Variants in MBTD1 observed in about 807,000 individuals in gnomAD.
The protein encoded by MBTD1 is mbt domain containing 1.
In MBTD1, 24 loss-of-function variants were observed where a neutral mutation model predicts 87.8. The ratio of observed to expected loss-of-function variants is 0.27; its 90% CI spans 0.20 to 0.38. MBTD1 has a LOEUF of 0.38. MBTD1 is among the 10% of genes least tolerant of loss of function. The pLI, the probability that MBTD1 is intolerant of heterozygous loss-of-function variation, is 1.00. For synonymous variants in MBTD1, 237 were observed against 248.6 expected (o/e 0.95, Z 0.44); for missense variants, 436 against 760.2 (o/e 0.57, Z 5.02).
chr17:51,218,044 C>T, intron 5 of MBTD1, among the ~76,000 whole-genome samples: 1 of 152,176 alleles, frequency 6.6e-6, no homozygotes, highest in East Asian at 1.9e-4. Context: ...TATTTCCATT[C>T]AGTTCTTGCC....
chr17:51,202,976 A>G, intron 9 of MBTD1, 41 bp from the exon 10 acceptor site: 1 of 1,489,188 alleles, frequency 6.7e-7, no homozygotes, highest in South Asian at 1.1e-5. Flanking sequence ...ATTCATGACA[A>G]AGGTCTACAA....
At chr17:51,225,537 T>G (rs2053164218) in intron 2 of MBTD1, among the ~76,000 whole-genome samples, 1 of 151,324 alleles carries the variant, frequency 6.6e-6, no homozygotes, top group Non-Finnish European at 1.5e-5. Flanking sequence ...TTTTTTTTTT[T>G]GTAGAGATGG....
At chr17:51,214,720 A>G (rs2052468090) in intron 6 of MBTD1, among the ~76,000 whole-genome samples, 1 of 152,242 alleles carries the variant, frequency 6.6e-6, no homozygotes, top group South Asian at 2.1e-4. Flanking sequence ...TAGGAGCAGG[A>G]AAGGCTCCCG....
intron 2 of MBTD1, among the ~76,000 whole-genome samples, chr17:51,235,557 A>C (rs2143909377): frequency 6.6e-6 from 1 of 152,364 alleles, no homozygotes; most frequent in East Asian, 1.9e-4. Context: ...TTTGAAAATC[A>C]ATAAATTCAC....
At chr17:51,218,365 CTA>C (rs1213857686) in intron 5 of MBTD1, among the ~76,000 whole-genome samples, 3 of 151,880 alleles carry the variant, frequency 2.0e-5, no homozygotes, top group African/African-American at 4.8e-5. Flanking sequence ...CCTATCTCTA[CTA>C]AAAATACAAA....
At position 51,257,863 on chromosome 17, in the gene MBTD1, A is replaced by C. The variant is rs75854299; in HGVS notation, c.-49+1280T>G. ...CATAAAGTTAGAAACTGGATGGTTA[A>C]AAAGCATGACGCAACAACGTAAGGC... On this transcript the variant is annotated intron_variant, in intron 2 of 16. Transcript: ENST00000586178. Among the ~76,000 whole-genome samples, 1,092 of 152,338 alleles carry C rather than the reference A, an allele frequency of 7.2e-3. 6 individuals are homozygous for C. Among genetic ancestry groups the C allele is most frequent in the Non-Finnish European group, 0.012 (826 of 68,032 alleles).
chr17:51,234,988 G>A (rs1340180014), intron 2 of MBTD1, among the ~76,000 whole-genome samples: 3 of 151,968 alleles, frequency 2.0e-5, no homozygotes, highest in Non-Finnish European at 4.4e-5. Flanking sequence ...GAGCCACCAC[G>A]CCCGGCCTAT....
At chr17:51,228,196 A>G (rs1568208705) in intron 2 of MBTD1, among the ~76,000 whole-genome samples, 1 of 152,112 alleles carries the variant, frequency 6.6e-6, no homozygotes, top group Admixed American at 6.6e-5. Context: ...CATAGAGGAA[A>G]CAGCAGACAC....
At chr17:51,203,702 T>G (rs1451249595) in intron 8 of MBTD1, 89 bp downstream of exon 8, 3 of 1,439,402 alleles carry the variant, frequency 2.1e-6, no homozygotes, top group Non-Finnish European at 2.9e-6. Context: ...CGGCCTTTAA[T>G]TTCCATATTA....
At chr17:51,182,248 C>A (rs2050345352) in intron 16 of MBTD1, among the ~76,000 whole-genome samples, 1 of 151,916 alleles carries the variant, frequency 6.6e-6, no homozygotes, top group South Asian at 2.1e-4. Context: ...CCTCAGCCTC[C>A]CGAGTGGCTG....
At chr17:51,243,159 A>T (rs1161215247) in intron 2 of MBTD1, among the ~76,000 whole-genome samples, 1 of 152,206 alleles carries the variant, frequency 6.6e-6, no homozygotes, top group Non-Finnish European at 1.5e-5. Flanking sequence ...ACTCCAAAGA[A>T]ATGTAATCAT....
At chr17:51,259,326 C>A in intron 1 of MBTD1, 120 bp from the exon 2 acceptor site, 1 of 1,114,774 alleles carries the variant, frequency 9.0e-7, no homozygotes, top group Non-Finnish European at 1.1e-6. Flanking sequence ...ACTCCCACCT[C>A]TCCCGCACGT....
chr17:51,197,398 T>G (rs1028109540), intron 12 of MBTD1, among the ~76,000 whole-genome samples: 5 of 151,880 alleles, frequency 3.3e-5, no homozygotes, highest in Admixed American at 2.6e-4. Context: ...TGAATTTTTG[T>G]TTTTGGCTTT....
Position 51,197,079 on chromosome 17 carries a change from T to G in MBTD1, c.1225-1718A>C, listed in dbSNP as rs1165302279. Among the ~76,000 whole-genome samples, 37 of 15,778 alleles carry G rather than the reference T, an allele frequency of 2.3e-3. 3 individuals carry two copies. The highest frequency in any genetic ancestry group is 0.014 in the South Asian group (8 of 578). The allele number at this position is 15,778 out of a possible 152,430, so 10.4% of individuals were successfully genotyped here. On this transcript the variant is annotated intron_variant, in intron 12 of 16. Coordinates refer to ENST00000586178, the MANE Select transcript of MBTD1 (RefSeq NM_017643.3). ...ATATATATATATATATATATATATA[T>G]ATATATATATATATATATATATATA...
intron 2 of MBTD1, among the ~76,000 whole-genome samples, chr17:51,237,292 T>A (rs1258439545): frequency 4.9e-5 from 5 of 103,066 alleles, no homozygotes; most frequent in Non-Finnish European, 8.9e-5. Context: ...TGAGACTCCA[T>A]CTCAAAAAAA....
chr17:51,194,731 A>G lies in MBTD1; in HGVS notation c.1372+483T>C, dbSNP rs191932277. Reference sequence around the variant, plus strand: ...ATTCCTGTCTGTACATACAAAGAAAAAAAAAAAAAAGTCAGACATGGTTGT... The same window carrying G: ...ATTCCTGTCTGTACATACAAAGAAAGAAAAAAAAAAGTCAGACATGGTTGT... On this transcript the variant is annotated intron_variant, in intron 13 of 16. Coordinates refer to ENST00000586178, the MANE Select transcript of MBTD1 (RefSeq NM_017643.3). Among the ~76,000 whole-genome samples the G allele has an allele frequency of 4.1e-4, 62 of 151,678 alleles. 1 individual carries two copies. The highest frequency in any genetic ancestry group is 3.9e-3 in the Admixed American group (59 of 15,200).
chr17:51,260,657 A>G, upstream of MBTD1: 5 of 1,612,252 alleles, frequency 3.1e-6, no homozygotes, highest in South Asian at 5.5e-5. Context: ...GAAGCCCGGA[A>G]TGAGGCCGGA....
At position 51,201,613 on chromosome 17, in the gene MBTD1, T is replaced by C; in HGVS notation, c.1203A>G (p.Ile401Met). The C allele has an allele frequency of 1.2e-6, 2 of 1,605,604 alleles. No homozygotes were observed. Among genetic ancestry groups the C allele is most frequent in the Non-Finnish European group, 1.7e-6 (2 of 1,174,778 alleles). The change falls in exon 12 of 17, where the codon ATA becomes ATG. Residue 401 changes from isoleucine (I) to methionine (M), a missense_variant. By Grantham distance (10) the Ile-to-Met change is conservative. Around this residue, in one of 5 missense-constraint regions of MBTD1, gnomAD observed 268 missense variants for 401.8 expected, o/e 0.67. Coordinates refer to ENST00000586178, the MANE Select transcript of MBTD1 (RefSeq NM_017643.3). ...TTACCTTTCTAATGGTTGCGACACA[T>C]ATTGTAGAAAGATTTAATGGGTCTA... is the stretch of plus-strand genomic sequence containing the variant. ...EAIDPLNLST[I>M]CVATIRKVLA...
chr17:51,253,314 G>C (rs899790684), intron 2 of MBTD1, among the ~76,000 whole-genome samples: 13 of 152,040 alleles, frequency 8.6e-5, no homozygotes, highest in African/African-American at 3.1e-4. Context: ...CCATTTTTAG[G>C]AATCTGTCCT....
Sources: gnomAD v4.1 joint callset for allele counts (sites outside exome capture counted in the v4.1 genomes callset) on GRCh38, gnomAD v4.1.1 for gene constraint, gnomAD v4.1.1 regional missense constraint, MANE v1.5 for transcripts, NCBI Gene and HGNC (gene_info 2026-07-23, HGNC 2026-07-21) for gene names.